Variants in SLIT2 observed in about 807,000 individuals in gnomAD.
SLIT2 encodes slit guidance ligand 2, also known as slit homolog 2 protein.
Under a neutral mutation model 185.7 loss-of-function variants are expected in SLIT2, and 41 were observed. The ratio of observed to expected loss-of-function variants is 0.22; its 90% CI spans 0.17 to 0.29. SLIT2 has a LOEUF of 0.29. SLIT2 is among the 10% of genes least tolerant of loss of function. The probability of loss-of-function intolerance (pLI) is 1.00; values close to 1 mark genes in which losing one functional copy is unlikely to be tolerated. For synonymous variants in SLIT2, 693 were observed against 680.2 expected (o/e 1.02, Z -0.29); for missense variants, 1,571 against 1,909.0 (o/e 0.82, Z 3.30).
chr4:20,403,441 T>G (rs1033178517), intron 4 of SLIT2, among the ~76,000 whole-genome samples: 1 of 151,948 alleles, frequency 6.6e-6, no homozygotes, highest in African/African-American at 2.4e-5. Context: ...GGATTGTTAT[T>G]CTGTTAGCAT....
chr4:20,348,908 A>C (rs1038893857), intron 4 of SLIT2, among the ~76,000 whole-genome samples: 1 of 152,190 alleles, frequency 6.6e-6, no homozygotes. Context: ...CAGTTAAGTC[A>C]TATGGCTGCT....
chr4:20,477,578 G>A (rs893841464), intron 5 of SLIT2, among the ~76,000 whole-genome samples: 1 of 152,156 alleles, frequency 6.6e-6, no homozygotes, highest in Admixed American at 6.5e-5. Context: ...TACTTGGACA[G>A]CAAAGGATCA....
intron 26 of SLIT2, among the ~76,000 whole-genome samples, chr4:20,561,936 C>A (rs544889583): frequency 6.6e-6 from 1 of 151,926 alleles, no homozygotes; most frequent in South Asian, 2.1e-4. Context: ...TCCATATTCT[C>A]TCCAATGCAA....
rs147853170 is a variant in SLIT2, at chr4:20,273,381, G to C, written c.395+4500G>C. 5.1e-3 allele frequency among the ~76,000 whole-genome samples: 773 copies of C among 152,014 alleles called. 13 individuals carry two copies. Among genetic ancestry groups the C allele is most frequent in the African/African-American group, 0.018 (754 of 41,492 alleles). ...TGATTATACATATAAGTGCTACTTA[G>C]ACGTGTATTATGAAAACTTTTTTTT... On this transcript the variant is annotated intron_variant, in intron 4 of 36. Transcript: ENST00000504154.
intron 19 of SLIT2, 66 bp from the exon 20 acceptor site, chr4:20,541,387 G>C: frequency 7.2e-7 from 1 of 1,390,590 alleles, no homozygotes; most frequent in Non-Finnish European, 1.0e-6. Flanking sequence ...AGGGTAGCTG[G>C]GGTTTAGAGA....
At chr4:20,491,598 C>A (rs1177300170) in intron 8 of SLIT2, among the ~76,000 whole-genome samples, 163 bp from the exon 9 acceptor site, 1 of 152,150 alleles carries the variant, frequency 6.6e-6, no homozygotes, top group Non-Finnish European at 1.5e-5. Context: ...TATATAAATG[C>A]ATGCCTCCTA....
At chr4:20,532,714 C>G (rs1338110740) in intron 17 of SLIT2, among the ~76,000 whole-genome samples, 1 of 152,194 alleles carries the variant, frequency 6.6e-6, no homozygotes, top group Non-Finnish European at 1.5e-5. Context: ...GGCCCATAGT[C>G]ACATAGACTG....
chr4:20,471,266 G>C (rs576855069), intron 5 of SLIT2, among the ~76,000 whole-genome samples: 15 of 73,294 alleles, frequency 2.0e-4, no homozygotes, highest in Middle Eastern at 6.3e-3. Context: ...CATGGGGTTT[G>C]TATGAAGTTT....
At chr4:20,390,591 A>G (rs980585183) in intron 4 of SLIT2, among the ~76,000 whole-genome samples, 1 of 152,102 alleles carries the variant, frequency 6.6e-6, no homozygotes, top group African/African-American at 2.4e-5. Flanking sequence ...GCTGCATTGA[A>G]GAATGACTAG....
chr4:20,590,371 A>T (rs1025655459), intron 30 of SLIT2, among the ~76,000 whole-genome samples: 6 of 152,146 alleles, frequency 3.9e-5, no homozygotes, highest in Non-Finnish European at 7.3e-5. Context: ...TATGTGCTTC[A>T]TTGTCTGAAG....
chr4:20,328,068 C>T (rs551895440), intron 4 of SLIT2, among the ~76,000 whole-genome samples: 52 of 152,026 alleles, frequency 3.4e-4, no homozygotes, highest in Non-Finnish European at 5.3e-4. Context: ...TTTTAGGGAA[C>T]GTAAGAGTTT....
At chr4:20,282,135 G>T (rs1214535314) in intron 4 of SLIT2, among the ~76,000 whole-genome samples, 1 of 152,130 alleles carries the variant, frequency 6.6e-6, no homozygotes, top group Non-Finnish European at 1.5e-5. Context: ...AAATATAATT[G>T]ATTTTTATTC....
chr4:20,375,537 G>A lies in SLIT2; in HGVS notation c.396-92215G>A, dbSNP rs531066436. ...CGTATCACTTGAAGAGCAAGGGTTA[G>A]TAGAACTAGGCTCTGGATTTAGTTT... On this transcript the variant is annotated intron_variant, in intron 4 of 36. Transcript: ENST00000504154. 2.6e-5 allele frequency among the ~76,000 whole-genome samples: 4 copies of A among 152,198 alleles called. No homozygotes were observed. In the East Asian group the frequency reaches 7.7e-4, roughly 29 times the overall value.
chr4:20,559,443 G>A (rs1057296505), intron 26 of SLIT2, among the ~76,000 whole-genome samples: 3 of 151,864 alleles, frequency 2.0e-5, no homozygotes, highest in African/African-American at 7.3e-5. Context: ...CCCTTTGCCA[G>A]CATTTGTCTC....
intron 4 of SLIT2, among the ~76,000 whole-genome samples, chr4:20,312,196 A>T (rs1167941789): frequency 6.6e-6 from 1 of 152,198 alleles, no homozygotes; most frequent in Non-Finnish European, 1.5e-5. Context: ...TGTGTTAAAT[A>T]TTTCGCTTTA....
chr4:20,575,895 G>A (rs777973018), intron 29 of SLIT2, among the ~76,000 whole-genome samples: 6 of 151,476 alleles, frequency 4.0e-5, no homozygotes, highest in Non-Finnish European at 8.8e-5. Context: ...TGGTTAGTTT[G>A]TGTAGGTAAG....
At chr4:20,305,872 AAATAATAATAATAAT>A (rs56164214) in intron 4 of SLIT2, among the ~76,000 whole-genome samples, 18,310 of 136,388 alleles carry the variant, frequency 0.13, 1,509 homozygotes, top group Admixed American at 0.18. Flanking sequence ...GACTGTCTCA[AAATAATAATAATAAT>A]AATAATAATA....
chr4:20,532,123 G>A (rs761658626), intron 17 of SLIT2, 65 bp downstream of exon 17: 72 of 917,010 alleles, frequency 7.9e-5, no homozygotes, highest in Non-Finnish European at 1.1e-4. Context: ...TTTCAGTTAA[G>A]TTTCTTAGAA....
At chr4:20,282,659 T>C (rs1333046875) in intron 4 of SLIT2, among the ~76,000 whole-genome samples, 1 of 152,256 alleles carries the variant, frequency 6.6e-6, no homozygotes, top group African/African-American at 2.4e-5. Flanking sequence ...TGTACACTTG[T>C]GTGTTAATCT....
Sources: allele counts gnomAD v4.1 joint callset (sites outside exome capture counted in the v4.1 genomes callset), GRCh38; gene constraint gnomAD v4.1.1; transcripts MANE v1.5; gene names NCBI Gene and HGNC (gene_info 2026-07-23, HGNC 2026-07-21).